Variants in C16orf96 observed in about 807,000 individuals in gnomAD.
C16orf96 encodes chromosome 16 open reading frame 96, also known as uncharacterized protein C16orf96.
C16orf96 carries 108 observed loss-of-function variants against 103.6 expected under a neutral mutation model. That is an observed-to-expected ratio of 1.04 (90% CI 0.89 to 1.22). The LOEUF (loss-of-function observed/expected upper bound fraction) is 1.22, where lower values mean the gene tolerates loss of function less well. Among genes scored for constraint, C16orf96 ranks in the 50% most tolerant of loss-of-function variants. The probability of loss-of-function intolerance (pLI) is 0.00; values close to 1 mark genes in which losing one functional copy is unlikely to be tolerated. For missense variants in C16orf96, 1,586 were observed against 1,464.2 expected, an observed-to-expected ratio of 1.08 and a Z score of -1.36; for synonymous variants, 566 against 593.5, an observed-to-expected ratio of 0.95 and a Z score of 0.67.
At chr16:4,569,270 C>A (rs975517529) in intron 1 of C16orf96, among the ~76,000 whole-genome samples, 1 of 152,074 alleles carries the variant, frequency 6.6e-6, no homozygotes, top group Non-Finnish European at 1.5e-5. Context: ...GCTGGACCTT[C>A]CTTATCTTAG....
chr16:4,559,662 C>T (rs1032959308), intron 1 of C16orf96, among the ~76,000 whole-genome samples: 1 of 152,088 alleles, frequency 6.6e-6, no homozygotes, highest in Admixed American at 6.6e-5. Flanking sequence ...TTCGGTGGCA[C>T]ACGATATATT....
intron 1 of C16orf96, among the ~76,000 whole-genome samples, chr16:4,568,327 A>G (rs1012428344): frequency 2.0e-5 from 3 of 152,160 alleles, no homozygotes; most frequent in East Asian, 1.9e-4. Flanking sequence ...CCTGGAGAGT[A>G]TTCTATGTGC....
the C16orf96 span, among the ~76,000 whole-genome samples, chr16:4,546,818 A>C: frequency 4.7e-4 from 71 of 152,252 alleles, no homozygotes; most frequent in East Asian, 0.01. Flanking sequence ...TGATGAATGG[A>C]TAAACAACGT....
intron 7 of C16orf96, among the ~76,000 whole-genome samples, chr16:4,586,427 A>G (rs1482479106): frequency 6.6e-6 from 1 of 152,234 alleles, no homozygotes; most frequent in Non-Finnish European, 1.5e-5. Flanking sequence ...GACACCCGAC[A>G]GGAAGAGAGA....
At chr16:4,582,954 G>A (rs1487843922) in intron 7 of C16orf96, among the ~76,000 whole-genome samples, 2 of 152,114 alleles carry the variant, frequency 1.3e-5, no homozygotes, top group Non-Finnish European at 2.9e-5. Flanking sequence ...TTTCATTGCT[G>A]GCCAGGCTCG....
chr16:4,579,105 C>T, intron 6 of C16orf96, 80 bp downstream of exon 6: 4 of 1,262,626 alleles, frequency 3.2e-6, no homozygotes, highest in South Asian at 2.6e-5. Context: ...CTCTGCCCCC[C>T]TCCCAGGTGC....
In C16orf96 at chr16:4,593,813, C is replaced by A. The variant is rs1897112489; in HGVS notation, c.2867+497C>A. Among the ~76,000 whole-genome samples the A allele has an allele frequency of 6.6e-6, 1 of 152,114 alleles. No homozygotes were observed. The highest frequency in any genetic ancestry group is 2.1e-4 in the South Asian group (1 of 4,828). The stretch of plus-strand genomic sequence containing the variant: ...ACTGAGGCTCAGAGAACTGCAGTGA[C>A]CTGCCCAAGGTCACTGCTAGCAAGT... On this transcript the variant is annotated intron_variant, in intron 12 of 15. Transcript: ENST00000444310. This position sits in a 1 kb window ranked among gnomAD's most constrained non-coding sequence, Gnocchi z 4.2.
the C16orf96 span, among the ~76,000 whole-genome samples, chr16:4,545,208 C>T: frequency 6.6e-6 from 1 of 152,124 alleles, no homozygotes; most frequent in Non-Finnish European, 1.5e-5. Flanking sequence ...GTCTTTGCGT[C>T]ACTCAGTTGT....
chr16:4,578,695 T>C (rs2059543931), intron 5 of C16orf96, among the ~76,000 whole-genome samples: 1 of 151,846 alleles, frequency 6.6e-6, no homozygotes, highest in African/African-American at 2.4e-5. Flanking sequence ...GAGGCGGAAG[T>C]TGTAGTGAGC....
rs1477867634 is a variant in C16orf96 at position 4,588,214 on chromosome 16, G to C, written c.2475G>C (p.Leu825=). Residue 825 remains leucine (L), a synonymous_variant, in exon 9 of 16, where the codon CTG becomes CTC. Transcript: ENST00000444310. ...ALAGKASRVD[L]ETVALELNEM... is the part of the protein sequence containing the mutation. ...CAGGCAAGGCAAGCCGCGTTGACCT[G>C]GAGACTGTGGCCTTGGAGCTGAACG... is the stretch of plus-strand genomic sequence containing the variant. 1 of 1,551,638 alleles carries C rather than the reference G, an allele frequency of 6.4e-7. No homozygotes were observed. The highest frequency in any genetic ancestry group is 1.2e-5 in the South Asian group (1 of 84,056).
At chr16:4,570,094 C>G (rs1308848552) in intron 1 of C16orf96, among the ~76,000 whole-genome samples, 1 of 129,864 alleles carries the variant, frequency 7.7e-6, no homozygotes, top group East Asian at 2.8e-4. Flanking sequence ...TGTGCCCCTT[C>G]CCCAAGCTAG....
At position 4,575,078 on chromosome 16, in the gene C16orf96, G is replaced by T. The variant is rs1250725483; in HGVS notation, c.693+20G>T. ...ACCTCAGTGAGTGAGGAAGGAAGGG[G>T]AGGTTAGCAGGAAGCTGGGGAGCAG... On this transcript the variant is annotated intron_variant, in intron 4 of 15. Transcript: ENST00000444310. 1.3e-6 allele frequency: 2 copies of T among 1,551,156 alleles called. No individual in the cohort carries two copies. The highest frequency in any genetic ancestry group is 4.9e-5 in the East Asian group (2 of 40,926).
At chr16:4,564,875 G>T (rs1268648683) in intron 1 of C16orf96, among the ~76,000 whole-genome samples, 1 of 152,204 alleles carries the variant, frequency 6.6e-6, no homozygotes, top group Non-Finnish European at 1.5e-5. Flanking sequence ...TTGCTTAAAG[G>T]TGTGGAAGAC....
At position 4,574,881 on chromosome 16, in the gene C16orf96, G is replaced by A. The variant is rs896380268; in HGVS notation, c.607-91G>A. ...GCTGAGGGTAGGGAGGTGCAAGGAGGAGAACACAGCCTGGAAAGGTTTCTT... is the reference window on the plus strand; with the variant it reads ...GCTGAGGGTAGGGAGGTGCAAGGAGAAGAACACAGCCTGGAAAGGTTTCTT... On this transcript the variant is annotated intron_variant, in intron 3 of 15. Coordinates refer to ENST00000444310, the MANE Select transcript of C16orf96 (RefSeq NM_001145011.2). The A allele has an allele frequency of 3.3e-5, 51 of 1,523,352 alleles. No homozygotes were observed. In the African/African-American group the frequency reaches 6.1e-4, roughly 18 times the overall value. 94.4% of individuals were successfully genotyped at this position (1,523,352 alleles called of 1,614,324 possible). A position where few individuals can be genotyped will look rare whatever the true frequency, so the allele number is the denominator to read the frequency against.
chr16:4,557,262 G>A (rs1298998120), intron 1 of C16orf96, among the ~76,000 whole-genome samples: 2 of 152,056 alleles, frequency 1.3e-5, no homozygotes, highest in South Asian at 4.1e-4. Context: ...GAGCCACTGC[G>A]CCCAGCCTTC....
intron 2 of C16orf96, among the ~76,000 whole-genome samples, chr16:4,572,174 G>A (rs1451460074): frequency 6.6e-6 from 1 of 151,970 alleles, no homozygotes; most frequent in Admixed American, 6.6e-5. Flanking sequence ...CTACCCCAGT[G>A]TGTTAAAACG....
At chr16:4,566,907 C>G in intron 1 of C16orf96, among the ~76,000 whole-genome samples, 1 of 152,086 alleles carries the variant, frequency 6.6e-6, no homozygotes, top group East Asian at 1.9e-4. Context: ...CTTGGCCAAT[C>G]TAGCTAAAAG....
chr16:4,576,341 G>A lies in C16orf96; in HGVS notation c.1861G>A (p.Ala621Thr). 6.4e-7 allele frequency: 1 copy of A among 1,550,814 alleles called. No individual in the cohort carries two copies. The highest frequency in any genetic ancestry group is 8.7e-7 in the Non-Finnish European group (1 of 1,146,990). Reference protein sequence around the residue: ...TAAAGPLGVFADVLGAGPSRG... With the variant: ...TAAAGPLGVFTDVLGAGPSRG... ...TGCAGCTGGGCCCCTAGGGGTCTTT[G>A]CAGATGTCCTGGGTGCAGGGCCTTC... The change falls in exon 5 of 16, where the codon GCA becomes ACA. Residue 621 changes from alanine (A) to threonine (T), a missense_variant. Transcript: ENST00000444310.
chr16:4,580,187 T>C (rs2059566661), intron 7 of C16orf96, 62 bp downstream of exon 7: 1 of 1,309,976 alleles, frequency 7.6e-7, no homozygotes, highest in Admixed American at 3.0e-5. Context: ...ACCTAGACCT[T>C]CTGGCCCTTC....
Sources: allele counts gnomAD v4.1 joint callset (sites outside exome capture counted in the v4.1 genomes callset), GRCh38; gene constraint gnomAD v4.1.1; non-coding constraint Gnocchi (gnomAD v3.1); transcripts MANE v1.5; gene names NCBI Gene and HGNC (gene_info 2026-07-23, HGNC 2026-07-21).